The following GALNT17 variants were observed in gnomAD, a reference collection of about 807,000 sequenced individuals.
GALNT17 encodes the protein UDP-GalNAc:polypeptide N-acetylgalactosaminyltransferase-like 3.
Under a neutral mutation model 63.7 loss-of-function variants are expected in GALNT17, and 29 were observed. That is an observed-to-expected ratio of 0.46 (90% CI 0.34 to 0.62). The LOEUF is 0.62. Ranked by LOEUF, GALNT17 falls within the 20% of genes least tolerant of loss-of-function variation. The probability of loss-of-function intolerance (pLI) is 0.01; values close to 1 mark genes in which losing one functional copy is unlikely to be tolerated. For missense variants in GALNT17, 603 were observed against 799.6 expected, an observed-to-expected ratio of 0.75 and a Z score of 2.97; for synonymous variants, 305 against 318.3, an observed-to-expected ratio of 0.96 and a Z score of 0.45.
At chr7:71,466,820 G>C (rs1307161839) in intron 5 of GALNT17, among the ~76,000 whole-genome samples, 2 of 152,134 alleles carry the variant, frequency 1.3e-5, no homozygotes, top group Non-Finnish European at 2.9e-5. Context: ...CCCGTTTTGA[G>C]ATGTCCCACC....
In GALNT17 at chr7:71,135,389, C is replaced by CT. The variant is rs1383942354; in HGVS notation, c.238+2350dup. 7.9e-5 allele frequency among the ~76,000 whole-genome samples: 12 copies of CT among 152,298 alleles called. No homozygotes were observed. The East Asian group carries it at 2.3e-3, about 29-fold the overall frequency. On this transcript the variant is annotated intron_variant, in intron 1 of 10. Transcript: ENST00000333538. ...TGAAGGGAGGTTAGGAGGCTACTTT[C>CT]TACTTGCCACAGACATACATGAACC...
chr7:71,430,628 A>G (rs1202744390), intron 5 of GALNT17, among the ~76,000 whole-genome samples: 1 of 152,222 alleles, frequency 6.6e-6, no homozygotes, highest in African/African-American at 2.4e-5. Context: ...CAATTTAGCA[A>G]TCCTTAATCC....
At chr7:71,338,272 A>G (rs1164661848) in intron 2 of GALNT17, among the ~76,000 whole-genome samples, 2 of 151,992 alleles carry the variant, frequency 1.3e-5, no homozygotes, top group Non-Finnish European at 2.9e-5. Flanking sequence ...GGTTACAGTG[A>G]GCCAAGATAG....
At chr7:71,394,783 A>C (rs1279382923) in intron 3 of GALNT17, among the ~76,000 whole-genome samples, 1 of 152,092 alleles carries the variant, frequency 6.6e-6, no homozygotes, top group Non-Finnish European at 1.5e-5. Flanking sequence ...TTGAGATGTA[A>C]TTCACATACC....
chr7:71,369,036 G>T (rs188918240), intron 2 of GALNT17, among the ~76,000 whole-genome samples: 2 of 152,132 alleles, frequency 1.3e-5, no homozygotes, highest in Non-Finnish European at 2.9e-5. Context: ...GATCTGATGT[G>T]GCATTTTCAG....
intron 5 of GALNT17, among the ~76,000 whole-genome samples, chr7:71,472,751 CATATT>C (rs1184955896): frequency 6.6e-6 from 1 of 152,110 alleles, no homozygotes; most frequent in Admixed American, 6.6e-5. Context: ...GTCTGGATAT[CATATT>C]ATAACAGTGT....
intron 6 of GALNT17, among the ~76,000 whole-genome samples, chr7:71,660,412 G>A (rs542436370): frequency 1.3e-5 from 2 of 152,180 alleles, no homozygotes; most frequent in Non-Finnish European, 2.9e-5. Context: ...ACTTCCCTCT[G>A]CTCTTGGCAT....
chr7:71,517,260 G>A (rs1476776518), intron 5 of GALNT17, among the ~76,000 whole-genome samples: 3 of 152,128 alleles, frequency 2.0e-5, no homozygotes, highest in African/African-American at 7.2e-5. Flanking sequence ...CTCACATGGT[G>A]GGAAGAGGGA....
At chr7:71,531,392 G>A (rs1056936433) in intron 5 of GALNT17, among the ~76,000 whole-genome samples, 7 of 151,992 alleles carry the variant, frequency 4.6e-5, no homozygotes, top group African/African-American at 7.2e-5. Flanking sequence ...AACTATAGGC[G>A]CTATGTTGTA....
chr7:71,167,553 A>C (rs984728218), intron 1 of GALNT17, among the ~76,000 whole-genome samples: 2 of 152,116 alleles, frequency 1.3e-5, no homozygotes, highest in African/African-American at 4.8e-5. Context: ...TTGTCTTCTT[A>C]TTCTCTTAAT....
At chr7:71,325,645 T>C (rs1791692431) in intron 1 of GALNT17, among the ~76,000 whole-genome samples, 1 of 152,118 alleles carries the variant, frequency 6.6e-6, no homozygotes, top group African/African-American at 2.4e-5. Flanking sequence ...CCTTGACTCT[T>C]TTGTTTTGCC....
At chr7:71,480,593 G>T (rs904581900) in intron 5 of GALNT17, among the ~76,000 whole-genome samples, 3 of 152,244 alleles carry the variant, frequency 2.0e-5, no homozygotes, top group Middle Eastern at 3.4e-3. Flanking sequence ...TGCAACCTCT[G>T]CCTTCCAGGT....
intron 2 of GALNT17, among the ~76,000 whole-genome samples, chr7:71,387,423 T>C (rs1792966676): frequency 6.6e-6 from 1 of 151,710 alleles, no homozygotes; most frequent in Non-Finnish European, 1.5e-5. Context: ...CCTCCCGGGC[T>C]CAAGTGATCC....
chr7:71,440,836 C>A (rs1469599126), intron 5 of GALNT17, among the ~76,000 whole-genome samples: 1 of 152,160 alleles, frequency 6.6e-6, no homozygotes, highest in African/African-American at 2.4e-5. Context: ...GTAGCACTTG[C>A]TGGAGTTTTC....
intron 6 of GALNT17, among the ~76,000 whole-genome samples, chr7:71,597,663 G>C (rs1454031267): frequency 6.6e-6 from 1 of 152,208 alleles, no homozygotes; most frequent in Non-Finnish European, 1.5e-5. Context: ...AGGGTTGTCA[G>C]CAGATGAGCC....
intron 5 of GALNT17, among the ~76,000 whole-genome samples, chr7:71,566,972 C>T (rs757459598): frequency 3.3e-5 from 5 of 152,164 alleles, no homozygotes; most frequent in East Asian, 3.9e-4. Flanking sequence ...GAACTGCTCA[C>T]GGTGGCGGCC....
intron 1 of GALNT17, among the ~76,000 whole-genome samples, chr7:71,259,866 C>T (rs1406288217): frequency 6.6e-6 from 1 of 151,932 alleles, no homozygotes; most frequent in Non-Finnish European, 1.5e-5. Context: ...TGGTCTCGAT[C>T]TCCTGACCTC....
At chr7:71,344,754 T>G (rs1407698662) in intron 2 of GALNT17, among the ~76,000 whole-genome samples, 1 of 152,170 alleles carries the variant, frequency 6.6e-6, no homozygotes, top group African/African-American at 2.4e-5. Context: ...ATTGTGCTAC[T>G]TTTATACAAT....
chr7:71,199,706 CATCCATGT>C (rs1412768094), intron 1 of GALNT17, among the ~76,000 whole-genome samples: 2 of 119,456 alleles, frequency 1.7e-5, no homozygotes, highest in East Asian at 4.0e-4. Context: ...TCCATCCATC[CATCCATGT>C]ATGTGTCCAC....
Sources: gnomAD v4.1 joint callset for allele counts (sites outside exome capture counted in the v4.1 genomes callset) on GRCh38, gnomAD v4.1.1 for gene constraint, MANE v1.5 for transcripts, NCBI Gene and HGNC (gene_info 2026-07-23, HGNC 2026-07-21) for gene names.